Variants in FKBP1B observed in about 807,000 individuals in gnomAD.
FKBP1B encodes FKBP prolyl isomerase 1B.
In FKBP1B, 4 loss-of-function variants were observed where a neutral mutation model predicts 13.5. That is an observed-to-expected ratio of 0.30 (90% CI 0.15 to 0.68). The LOEUF (loss-of-function observed/expected upper bound fraction) is 0.68. Ranked by LOEUF, FKBP1B falls within the 30% of genes least tolerant of loss-of-function variation. The pLI, the probability that FKBP1B is intolerant of heterozygous loss-of-function variation, is 0.76. For missense variants in FKBP1B, 93 were observed against 136.2 expected (o/e 0.68, Z 1.58); for synonymous variants, 54 against 53.6 (o/e 1.01, Z -0.03).
At chr2:24,051,346 G>GA (rs34668586) in intron 1 of FKBP1B, among the ~76,000 whole-genome samples, 13 of 147,352 alleles carry the variant, frequency 8.8e-5, no homozygotes, top group African/African-American at 1.5e-4. Context: ...AAAAAAAAAA[G>GA]AAAAAAAATG....
chr2:24,054,885 C>T (rs773639578), intron 2 of FKBP1B, among the ~76,000 whole-genome samples: 2 of 152,222 alleles, frequency 1.3e-5, no homozygotes, highest in Non-Finnish European at 2.9e-5. Context: ...GAAACCACAA[C>T]ATCCTTTTGC....
At chr2:24,046,664 G>A (rs543430537), upstream of FKBP1B, among the ~76,000 whole-genome samples, 11 of 152,060 alleles carry the variant, frequency 7.2e-5, no homozygotes, top group East Asian at 1.9e-4. Context: ...CAAGTTTATT[G>A]TATTTCCACT....
At chr2:24,040,219 G>T in the FKBP1B span, among the ~76,000 whole-genome samples, 1 of 152,104 alleles carries the variant, frequency 6.6e-6, no homozygotes, top group Admixed American at 6.6e-5. Context: ...CCTACAATGT[G>T]CTTTCAAATG....
chr2:24,060,002 T>C (rs1199804961), intron 2 of FKBP1B, among the ~76,000 whole-genome samples: 1 of 150,242 alleles, frequency 6.7e-6, no homozygotes, highest in Non-Finnish European at 1.5e-5. Flanking sequence ...ACAGAGAGGG[T>C]TATAAGCAGG....
intron 2 of FKBP1B, among the ~76,000 whole-genome samples, chr2:24,056,345 T>C (rs1664126872): frequency 1.3e-5 from 2 of 151,528 alleles, no homozygotes; most frequent in South Asian, 4.2e-4. Flanking sequence ...ATTGTGGGTT[T>C]TTTTGTTTTT....
At chr2:24,054,130 G>T (rs572147906) in intron 2 of FKBP1B, 181 bp downstream of exon 2, 6 of 723,472 alleles carry the variant, frequency 8.3e-6, no homozygotes, top group Admixed American at 4.1e-5. Context: ...GATAAAGGAG[G>T]CTTGGAAGGC....
At position 24,050,747 on chromosome 2, in the gene FKBP1B, G is replaced by A. The variant is rs1244609851; in HGVS notation, c.37+861G>A. Among the ~76,000 whole-genome samples, 1 of 152,128 alleles carries A rather than the reference G, an allele frequency of 6.6e-6. No homozygotes were observed. The highest frequency in any genetic ancestry group is 1.5e-5 in the Non-Finnish European group (1 of 68,028). On this transcript the variant is annotated intron_variant, in intron 1 of 3. Coordinates refer to ENST00000380986, the MANE Select transcript of FKBP1B (RefSeq NM_004116.5). This position sits in a 1 kb window ranked among gnomAD's most constrained non-coding sequence, Gnocchi z 5.8. Reference sequence around the variant, plus strand: ...CCCCATTGTCTGCAGGGTTTGATGGGCAAACTTCATATCAGATATTATTAA... The same window carrying A: ...CCCCATTGTCTGCAGGGTTTGATGGACAAACTTCATATCAGATATTATTAA...
At chr2:24,062,277 A>G (rs997146842) in intron 3 of FKBP1B, among the ~76,000 whole-genome samples, 4 of 151,788 alleles carry the variant, frequency 2.6e-5, no homozygotes, top group Admixed American at 2.6e-4. Flanking sequence ...GGTTCAAGCA[A>G]TTTTCCTGCC....
chr2:24,038,577 C>A, the FKBP1B span: 1 of 1,614,020 alleles, frequency 6.2e-7, no homozygotes, highest in Non-Finnish European at 8.5e-7. Context: ...TCAAGTAGTC[C>A]TTTTTTCTTA....
intron 3 of FKBP1B, 152 bp from the exon 4 acceptor site, chr2:24,062,912 C>T (rs1278506643): frequency 7.8e-6 from 9 of 1,159,982 alleles, no homozygotes; most frequent in Admixed American, 2.1e-5. Flanking sequence ...GCTGTTAGCA[C>T]GATTTCAATG....
At position 24,051,340 on chromosome 2, in the gene FKBP1B, A is replaced by G. The variant is rs572689365; in HGVS notation, c.37+1454A>G. ...CAGAGCAAGACTCTATCTCAAAAAA[A>G]AAAAAGAAAAAAAATGCATGTTTGA... On this transcript the variant is annotated intron_variant, in intron 1 of 3. Coordinates refer to ENST00000380986, the MANE Select transcript of FKBP1B (RefSeq NM_004116.5). 3.4e-4 allele frequency among the ~76,000 whole-genome samples: 51 copies of G among 148,610 alleles called. 1 individual carries two copies. Among genetic ancestry groups the G allele is most frequent in the Non-Finnish European group, 6.3e-4 (42 of 66,408 alleles).
the FKBP1B span, among the ~76,000 whole-genome samples, chr2:24,039,816 A>C: frequency 6.6e-6 from 1 of 150,726 alleles, no homozygotes; most frequent in African/African-American, 2.4e-5. Flanking sequence ...TTTTTTTTTG[A>C]GACGGAGTCT....
intron 2 of FKBP1B, among the ~76,000 whole-genome samples, chr2:24,057,381 T>G (rs113767506): frequency 0.18 from 27,015 of 151,284 alleles, 3,371 homozygotes; most frequent in African/African-American, 0.35. Context: ...TGGTTTTTTT[T>G]TGTGTGTGTG....
At chr2:24,037,904 G>C in the FKBP1B span, 1 of 1,614,114 alleles carries the variant, frequency 6.2e-7, no homozygotes, top group Non-Finnish European at 8.5e-7. Flanking sequence ...GTGTGGTCTG[G>C]TGTGCTGCTG....
chr2:24,035,061 A>G, the FKBP1B span, among the ~76,000 whole-genome samples: 3 of 151,706 alleles, frequency 2.0e-5, no homozygotes, highest in Non-Finnish European at 4.4e-5. Flanking sequence ...ATATGGAAAT[A>G]TTTACATCTA....
the FKBP1B span, chr2:24,037,925 G>C: frequency 6.2e-7 from 1 of 1,614,018 alleles, no homozygotes; most frequent in Non-Finnish European, 8.5e-7. Context: ...TGTCTGGGCA[G>C]CGATGCTGGC....
upstream of FKBP1B, among the ~76,000 whole-genome samples, chr2:24,048,168 T>TTTTTC (rs910105501): frequency 6.6e-6 from 1 of 152,114 alleles, no homozygotes; most frequent in Non-Finnish European, 1.5e-5. Context: ...TATGTTTTTC[T>TTTTTC]TTTTCTTTTC....
At chr2:24,044,833 AAAAAAAAAGCACAGCGGTG>A (rs1317846111), upstream of FKBP1B, among the ~76,000 whole-genome samples, 2 of 150,992 alleles carry the variant, frequency 1.3e-5, no homozygotes, top group Non-Finnish European at 2.9e-5. Context: ...AAAAAAAAAA[AAAAAAAAAGCACAGCGGTG>A]ATCATTTTGC....
chr2:24,054,914 A>G (rs1410522738), intron 2 of FKBP1B, among the ~76,000 whole-genome samples: 1 of 152,216 alleles, frequency 6.6e-6, no homozygotes, highest in African/African-American at 2.4e-5. Context: ...TTCACAATAC[A>G]TACATAGGGC....
Sources: gnomAD v4.1 joint callset for allele counts (sites outside exome capture counted in the v4.1 genomes callset) on GRCh38, gnomAD v4.1.1 for gene constraint, Gnocchi (gnomAD v3.1) non-coding constraint, MANE v1.5 for transcripts, NCBI Gene and HGNC (gene_info 2026-07-23, HGNC 2026-07-21) for gene names.